The following HHLA2 variants were observed in gnomAD, a reference collection of about 807,000 sequenced individuals.
HHLA2 encodes the protein HHLA2 member of B7 family.
A neutral mutation model predicts 45.9 loss-of-function variants in HHLA2; 48 were observed. The ratio of observed to expected loss-of-function variants is 1.05; its 90% CI spans 0.83 to 1.33. The LOEUF (loss-of-function observed/expected upper bound fraction) is 1.33. Ranked by LOEUF, HHLA2 falls within the 40% of genes most tolerant of loss-of-function variation. HHLA2 has a pLI of 0.00. For synonymous variants in HHLA2, 161 were observed against 173.9 expected (o/e 0.93, Z 0.59); for missense variants, 462 against 494.3 (o/e 0.93, Z 0.62).
chr3:108,329,717 C>T (rs1239973333), intron 3 of HHLA2, among the ~76,000 whole-genome samples: 2 of 152,050 alleles, frequency 1.3e-5, no homozygotes, highest in Non-Finnish European at 2.9e-5. Flanking sequence ...TCTTTGTGGG[C>T]GTGTTAACTT....
At chr3:108,368,535 CAAAAAAAAAAAAAAAAAAAA>C (rs55718572) in intron 8 of HHLA2, among the ~76,000 whole-genome samples, 76 of 6,632 alleles carry the variant, frequency 0.011, 4 homozygotes, top group African/African-American at 0.047. Flanking sequence ...AAACGAAGAG[CAAAAAAAAAAAAAAAAAAAA>C]AAAAAAAAAA....
rs370786489 is a variant in HHLA2 at position 108,323,903 on chromosome 3, G to A, written c.-104-4367G>A. ...AAATTGAAAGATAATCACTTCATGG[G>A]TATCCATTTAAAATAAAAGCCACTT... On this transcript the variant is annotated intron_variant, in intron 2 of 10. Transcript: ENST00000619531. 5.9e-5 allele frequency among the ~76,000 whole-genome samples: 9 copies of A among 152,246 alleles called. No homozygotes were observed. In the East Asian group the frequency reaches 1.5e-3, roughly 26 times the overall value.
At chr3:108,361,433 C>G (rs963481226) in intron 7 of HHLA2, among the ~76,000 whole-genome samples, 58 of 152,088 alleles carry the variant, frequency 3.8e-4, no homozygotes, top group African/African-American at 1.3e-3. Context: ...TATCGCAGTG[C>G]TTGTGATCAA....
At position 108,351,777 on chromosome 3, in the gene HHLA2, C is replaced by T; in HGVS notation, c.-26-11C>T. The T allele has an allele frequency of 6.3e-7, 1 of 1,588,690 alleles. No homozygotes were observed. The highest frequency in any genetic ancestry group is 1.1e-5 in the South Asian group (1 of 89,412). On this transcript the variant is annotated splice_polypyrimidine_tract_variant and intron_variant, in intron 3 of 10. Coordinates refer to ENST00000619531, the Ensembl canonical transcript of HHLA2. ...AATCCATAACATGTGCACTTTACTT[C>T]TCTTTGATAGCATGACTAATATGTT...
intron 8 of HHLA2, among the ~76,000 whole-genome samples, chr3:108,364,263 G>T (rs2107490065): frequency 6.6e-6 from 1 of 152,228 alleles, no homozygotes; most frequent in South Asian, 2.1e-4. Context: ...CTGTCCTTGT[G>T]ATAGTTTGCT....
At chr3:108,373,636 G>C (rs889939393) in intron 8 of HHLA2, among the ~76,000 whole-genome samples, 6 of 152,008 alleles carry the variant, frequency 3.9e-5, no homozygotes, top group African/African-American at 1.2e-4. Context: ...AAAGTCTCAG[G>C]ATACAAAATC....
rs1325537794 is a variant in HHLA2 at position 108,371,560 on chromosome 3, T to C, written c.1109-4190T>C. On this transcript the variant is annotated intron_variant, in intron 8 of 10. Transcript: ENST00000619531. ...TGGATAAACAGTCAAGACCCATCAG[T>C]GTGCTGTATTCAGGAAACCTATCTC... Among the ~76,000 whole-genome samples the C allele has an allele frequency of 2.5e-4, 38 of 152,168 alleles. 1 individual carries two copies. Among genetic ancestry groups the C allele is most frequent in the Admixed American group, 2.5e-3 (38 of 15,284 alleles).
chr3:108,322,898 A>T (rs1448848252), intron 2 of HHLA2, among the ~76,000 whole-genome samples: 1 of 152,052 alleles, frequency 6.6e-6, no homozygotes, highest in Non-Finnish European at 1.5e-5. Context: ...CCAGTTCCAA[A>T]GCAGTTCCTA....
chr3:108,372,061 A>G (rs1250130671), intron 8 of HHLA2, among the ~76,000 whole-genome samples: 3 of 152,234 alleles, frequency 2.0e-5, no homozygotes, highest in Non-Finnish European at 4.4e-5. Context: ...TCCAAAATTG[A>G]CCACATAATT....
At chr3:108,363,259 C>T (rs2082009255) in intron 8 of HHLA2, among the ~76,000 whole-genome samples, 1 of 151,994 alleles carries the variant, frequency 6.6e-6, no homozygotes, top group Admixed American at 6.6e-5. Context: ...AACAGGAATC[C>T]AGGAAGTTAG....
chr3:108,322,919 G>A (rs2081228722), intron 2 of HHLA2, among the ~76,000 whole-genome samples: 1 of 151,786 alleles, frequency 6.6e-6, no homozygotes, highest in Non-Finnish European at 1.5e-5. Flanking sequence ...TGTCTTTTGA[G>A]TACTATATGG....
chr3:108,346,240 A>C (rs1290496757), intron 3 of HHLA2, among the ~76,000 whole-genome samples: 1 of 152,184 alleles, frequency 6.6e-6, no homozygotes, highest in Non-Finnish European at 1.5e-5. Flanking sequence ...CAAATCCCCT[A>C]AATGGTGGGA....
intron 1 of HHLA2, among the ~76,000 whole-genome samples, chr3:108,310,254 A>T (rs1452173553): frequency 6.6e-6 from 1 of 152,156 alleles, no homozygotes; most frequent in Admixed American, 6.5e-5. Flanking sequence ...CCCAGTTTTG[A>T]TATTTATAGG....
intron 2 of HHLA2, among the ~76,000 whole-genome samples, chr3:108,321,851 A>G (rs1203124800): frequency 6.6e-6 from 1 of 151,864 alleles, no homozygotes; most frequent in East Asian, 1.9e-4. Context: ...GACAGTCTCT[A>G]CTTTATTTTC....
At chr3:108,378,275 G>A (rs1182450267) in exon 11 of HHLA2, 1 of 152,152 alleles carries the variant, frequency 6.6e-6, no homozygotes. Flanking sequence ...CAGCTTTATT[G>A]CTCACACAAA....
chr3:108,313,272 G>A (rs999053912), intron 2 of HHLA2, among the ~76,000 whole-genome samples: 1 of 152,160 alleles, frequency 6.6e-6, no homozygotes, highest in African/African-American at 2.4e-5. Context: ...GGGTAGTCTT[G>A]TACCAACGAG....
chr3:108,356,186 C>T (rs1205186470), intron 6 of HHLA2, among the ~76,000 whole-genome samples: 3 of 152,184 alleles, frequency 2.0e-5, no homozygotes, highest in South Asian at 2.1e-4. Flanking sequence ...CATGCCACCA[C>T]ATGTGGCTAA....
Position 108,350,016 on chromosome 3 carries a change from G to GT in HHLA2, c.-26-1764dup, listed in dbSNP as rs200145286. 9.9e-5 allele frequency among the ~76,000 whole-genome samples: 15 copies of GT among 151,974 alleles called. No homozygotes were observed. The East Asian group carries it at 2.3e-3, about 23-fold the overall frequency. ...AAAGAGACAGTAATTAAATTTCAAG[G>GT]TTTTTTTTAATGGCATATAGAGGCA... On this transcript the variant is annotated intron_variant, in intron 3 of 10. Coordinates refer to ENST00000619531, the Ensembl canonical transcript of HHLA2.
At chr3:108,353,474 A>G (rs777649283) in exon 5 of HHLA2, 11 of 1,601,910 alleles carry the variant, frequency 6.9e-6, no homozygotes, top group Non-Finnish European at 9.4e-6. Context: ...GAATGAACAA[A>G]TCGTCATTGG....
Sources: allele counts gnomAD v4.1 joint callset (sites outside exome capture counted in the v4.1 genomes callset), GRCh38; gene constraint gnomAD v4.1.1; transcripts MANE v1.5; gene names NCBI Gene and HGNC (gene_info 2026-07-23, HGNC 2026-07-21).